The following ZFAT variants were observed in gnomAD, a reference collection of about 807,000 sequenced individuals.
ZFAT encodes the protein zinc finger and AT-hook domain containing, also known as zinc finger protein ZFAT.
ZFAT carries 64 observed loss-of-function variants against 117.7 expected under a neutral mutation model. The ratio of observed to expected loss-of-function variants is 0.54; its 90% confidence interval spans 0.44 to 0.67. The LOEUF is 0.67. ZFAT is among the 30% of genes least tolerant of loss of function. ZFAT has a pLI of 0.00. For missense variants in ZFAT, 1,433 were observed against 1,584.5 expected (o/e 0.90, Z 1.62); for synonymous variants, 679 against 615.0 (o/e 1.10, Z -1.54).
At chr8:134,740,308 G>A in the ZFAT span, among the ~76,000 whole-genome samples, 7 of 152,190 alleles carry the variant, frequency 4.6e-5, no homozygotes, top group Non-Finnish European at 8.8e-5. Flanking sequence ...CATCCTAAGT[G>A]CTAGACATGG....
chr8:134,509,748 G>A lies in ZFAT; in HGVS notation c.3363C>T (p.Gly1121=), dbSNP rs199739574. The part of the protein sequence containing the change: ...LQDLRYTSES[G]DRLDPTAVNI... ...TCACGGCCGTGGGGTCCAGTCGGTC[G>A]CCTTAAGAGGAAGAAGCAAAGAGGA... Residue 1121 remains glycine, a splice_region_variant and synonymous_variant, in exon 15 of 16, where the codon GGC becomes GGT. Coordinates refer to ENST00000377838, the MANE Select transcript of ZFAT (RefSeq NM_020863.4). The A allele has an allele frequency of 2.3e-5, 36 of 1,595,578 alleles. No individual in the cohort carries two copies. The highest frequency in any genetic ancestry group is 2.8e-5 in the Non-Finnish European group (33 of 1,173,350).
chr8:134,825,796 G>A, the ZFAT span, among the ~76,000 whole-genome samples: 630 of 152,252 alleles, frequency 4.1e-3, 3 homozygotes, highest in Middle Eastern at 0.01. Flanking sequence ...CGAGGCGGGC[G>A]GATCACGAGG....
intron 10 of ZFAT, among the ~76,000 whole-genome samples, chr8:134,574,833 C>A (rs62525562): frequency 1.3e-5 from 2 of 151,800 alleles, no homozygotes; most frequent in Non-Finnish European, 2.9e-5. Context: ...TCCAGTCTTA[C>A]TGAAAAAGGT....
At chr8:134,699,089 A>T (rs1833946197) in intron 1 of ZFAT, among the ~76,000 whole-genome samples, 1 of 152,018 alleles carries the variant, frequency 6.6e-6, no homozygotes, top group East Asian at 1.9e-4. Flanking sequence ...ATATTCCCAC[A>T]TTTCCCTAAA....
At chr8:134,721,184 G>A in the ZFAT span, among the ~76,000 whole-genome samples, 1 of 152,142 alleles carries the variant, frequency 6.6e-6, no homozygotes, top group East Asian at 1.9e-4. Context: ...TGTGCCCTGA[G>A]CTGCCTGGCC....
intron 1 of ZFAT, among the ~76,000 whole-genome samples, chr8:134,680,430 A>G (rs78714321): frequency 1.4e-3 from 219 of 152,278 alleles, no homozygotes; most frequent in African/African-American, 5.0e-3. Flanking sequence ...AATTTTCAGT[A>G]CAAATAAATG....
chr8:134,639,823 C>T (rs1441875104), intron 2 of ZFAT: 3 of 455,824 alleles, frequency 6.6e-6, no homozygotes, highest in Non-Finnish European at 8.8e-6. Flanking sequence ...TAAGAGTTTA[C>T]TGAAGCCTGC....
intron 1 of ZFAT, among the ~76,000 whole-genome samples, chr8:134,659,872 G>C (rs2131214575): frequency 6.6e-6 from 1 of 152,310 alleles, no homozygotes; most frequent in South Asian, 2.1e-4. Flanking sequence ...TTCACAGAAA[G>C]ACTTTCTCCG....
At chr8:134,722,306 G>C in the ZFAT span, among the ~76,000 whole-genome samples, 5 of 152,312 alleles carry the variant, frequency 3.3e-5, no homozygotes, top group East Asian at 9.7e-4. Context: ...CCAGGCACAG[G>C]GGAATTTTAT....
chr8:134,569,399 G>T (rs1045564868), intron 10 of ZFAT, among the ~76,000 whole-genome samples: 1 of 152,126 alleles, frequency 6.6e-6, no homozygotes, highest in Non-Finnish European at 1.5e-5. Context: ...GCTAATAAGG[G>T]TGTGATACAA....
intron 1 of ZFAT, among the ~76,000 whole-genome samples, chr8:134,692,216 G>C (rs1286646527): frequency 6.6e-6 from 1 of 152,162 alleles, no homozygotes; most frequent in Non-Finnish European, 1.5e-5. Context: ...CTCAGGGTGG[G>C]AAAGCCCCCA....
At chr8:134,553,263 T>C (rs963290546) in intron 11 of ZFAT, among the ~76,000 whole-genome samples, 8 of 152,110 alleles carry the variant, frequency 5.3e-5, no homozygotes, top group African/African-American at 1.9e-4. Context: ...CCCAACACTT[T>C]GGGAGGCCGA....
chr8:134,815,707 C>T, the ZFAT span, among the ~76,000 whole-genome samples: 1 of 152,156 alleles, frequency 6.6e-6, no homozygotes, highest in South Asian at 2.1e-4. Flanking sequence ...ACTATCTCTT[C>T]TCTCTGCCAG....
the ZFAT span, among the ~76,000 whole-genome samples, chr8:134,823,095 A>AAC: frequency 6.6e-6 from 1 of 152,208 alleles, no homozygotes; most frequent in Non-Finnish European, 1.5e-5. Flanking sequence ...GGACACTACC[A>AAC]ACACCTGGTC....
chr8:134,478,807 G>T lies in ZFAT; in HGVS notation c.3493-86C>A. 1 of 1,487,848 alleles carries T rather than the reference G, an allele frequency of 6.7e-7. No individual in the cohort carries two copies. The highest frequency in any genetic ancestry group is 9.0e-7 in the Non-Finnish European group (1 of 1,115,546). The allele number at this position is 1,487,848 out of a possible 1,614,324, so 92.2% of individuals were successfully genotyped here. ...CAAAGTCACAACTACAGTTTAGGAG[G>T]CACCAGTGCGCTGCGGGAGCACGTC... On this transcript the variant is annotated intron_variant, in intron 15 of 15. Transcript: ENST00000377838. The surrounding 1 kb of genome is among the most constrained non-coding windows in gnomAD (Gnocchi z 5.2).
chr8:134,513,342 C>A (rs1025851831), intron 13 of ZFAT, among the ~76,000 whole-genome samples: 1 of 152,106 alleles, frequency 6.6e-6, no homozygotes, highest in Non-Finnish European at 1.5e-5. Context: ...GGATTACAGG[C>A]ACGCACCACC....
chr8:134,530,753 A>T (rs558900631), intron 12 of ZFAT, among the ~76,000 whole-genome samples: 4 of 151,796 alleles, frequency 2.6e-5, no homozygotes, highest in Admixed American at 6.6e-5. Flanking sequence ...CAGGAAAAAT[A>T]AATAAAAAAT....
the ZFAT span, among the ~76,000 whole-genome samples, chr8:134,800,958 C>G: frequency 2.0e-5 from 3 of 152,278 alleles, no homozygotes; most frequent in African/African-American, 7.2e-5. Flanking sequence ...ACAATAAATG[C>G]CGACATCCTG....
the ZFAT span, among the ~76,000 whole-genome samples, chr8:134,807,704 C>G: frequency 1.9e-3 from 280 of 150,628 alleles, 1 homozygote; most frequent in African/African-American, 6.5e-3. Flanking sequence ...GAAAATGCCC[C>G]CAATTACATG....
Sources: gnomAD v4.1 joint callset for allele counts (sites outside exome capture counted in the v4.1 genomes callset) on GRCh38, gnomAD v4.1.1 for gene constraint, Gnocchi (gnomAD v3.1) non-coding constraint, MANE v1.5 for transcripts, NCBI Gene and HGNC (gene_info 2026-07-23, HGNC 2026-07-21) for gene names.